TNFAIP2: variants seen among roughly 807,000 people sequenced by gnomAD.
The protein encoded by TNFAIP2 is tumor necrosis factor alpha-induced protein 2.
Under a neutral mutation model 63.5 loss-of-function variants are expected in TNFAIP2, and 47 were observed. That is an observed-to-expected ratio of 0.74 (90% CI 0.59 to 0.94). TNFAIP2 has a LOEUF of 0.94. Ranked by LOEUF, TNFAIP2 falls within the 40% of genes least tolerant of loss-of-function variation. TNFAIP2 has a pLI of 0.00. For synonymous variants in TNFAIP2, 405 were observed against 390.2 expected (o/e 1.04, Z -0.45); for missense variants, 787 against 850.2 (o/e 0.93, Z 0.92).
chr14:103,132,907 G>A (rs1455785925), intron 9 of TNFAIP2, 35 bp downstream of exon 9: 2 of 1,611,490 alleles, frequency 1.2e-6, no homozygotes, highest in East Asian at 2.2e-5. Context: ...TGGGTCTTGG[G>A]GAGTTGGGGG....
At chr14:103,134,394 C>T (rs1328976264) in intron 11 of TNFAIP2, among the ~76,000 whole-genome samples, 3 of 152,186 alleles carry the variant, frequency 2.0e-5, no homozygotes, top group Admixed American at 6.5e-5. Context: ...CTCATCCACC[C>T]ATTCCTTCAC....
At chr14:103,122,669 A>C (rs1891156029), upstream of TNFAIP2, 2 of 455,914 alleles carry the variant, frequency 4.4e-6, no homozygotes, top group Non-Finnish European at 8.8e-6. Flanking sequence ...CTGAATGGGC[A>C]AAGCCGGGTT....
Position 103,131,769 on chromosome 14 carries a change from G to T in TNFAIP2, c.1422+7G>T. ...CCTGCATGAGGACCTGAAGGTAGCG[G>T]GAGCCTCTTGCCCTCAGGAGCCCAG... On this transcript the variant is annotated splice_region_variant and intron_variant, in intron 8 of 11. Coordinates refer to ENST00000560869, the MANE Select transcript of TNFAIP2 (RefSeq NM_006291.4). The surrounding 1 kb of genome is among the most constrained non-coding windows in gnomAD (Gnocchi z 4.0). The T allele has an allele frequency of 6.2e-7, 1 of 1,609,964 alleles. No homozygotes were observed.
intron 5 of TNFAIP2, 79 bp downstream of exon 5, chr14:103,130,203 C>T: frequency 6.4e-7 from 1 of 1,562,276 alleles, no homozygotes. Context: ...GTCCTGTGTG[C>T]ATACCCATGC....
intron 6 of TNFAIP2, among the ~76,000 whole-genome samples, chr14:103,130,681 C>A (rs2087954321): frequency 1.3e-5 from 2 of 152,170 alleles, no homozygotes; most frequent in Admixed American, 6.5e-5. Flanking sequence ...AAAGAGGATA[C>A]CCCAGGAGGG....
In TNFAIP2 at chr14:103,131,193, G is replaced by T. The variant is rs771812624; in HGVS notation, c.1298+43G>T. ...GGCTTGCGGGAGTGGGAGTCACTCA[G>T]CGGGCAGGAGAGGGGAGCTGGAAGG... is the stretch of plus-strand genomic sequence containing the variant. On this transcript the variant is annotated intron_variant, in intron 7 of 11. Coordinates refer to ENST00000560869, the MANE Select transcript of TNFAIP2 (RefSeq NM_006291.4). This position sits in a 1 kb window ranked among gnomAD's most constrained non-coding sequence, Gnocchi z 4.0. The T allele has an allele frequency of 6.2e-7, 1 of 1,603,370 alleles. No individual in the cohort carries two copies. Among genetic ancestry groups the T allele is most frequent in the Admixed American group, 1.7e-5 (1 of 59,992 alleles).
chr14:103,132,704 C>G lies in TNFAIP2; in HGVS notation c.1423-46C>G, dbSNP rs777069624. On this transcript the variant is annotated intron_variant, in intron 8 of 11. Coordinates refer to ENST00000560869, the MANE Select transcript of TNFAIP2 (RefSeq NM_006291.4). ...GTCTGCGTGTCTGCGGCTGGCAGCC[C>G]TTCCTCTCCAGGGCGTGACTAGACA... is the stretch of plus-strand genomic sequence containing the variant. 10 of 1,595,990 alleles carry G rather than the reference C, an allele frequency of 6.3e-6. No individual in the cohort carries two copies. In the Admixed American group the frequency reaches 1.4e-4, roughly 22 times the overall value.
rs1350406786 is a variant in TNFAIP2 at position 103,135,195 on chromosome 14, C to T, written c.1824-24C>T. 6.2e-7 allele frequency: 1 copy of T among 1,613,524 alleles called. No individual in the cohort carries two copies. ...GTAGGGGTGTGGGTGACAGGCTGGG[C>T]TGACAGGATGCTCTCTTTGCCAGCA... On this transcript the variant is annotated intron_variant, in intron 11 of 11. Coordinates refer to ENST00000560869, the MANE Select transcript of TNFAIP2 (RefSeq NM_006291.4). The surrounding 1 kb of genome is among the most constrained non-coding windows in gnomAD (Gnocchi z 7.6).
rs1449223388 is a variant in TNFAIP2, at chr14:103,127,197, C to T, written c.428C>T (p.Pro143Leu). Reference protein sequence around the residue: ...RDQVLGVLRRPLEAPPERLRQ... With the variant: ...RDQVLGVLRRLLEAPPERLRQ... ...CAGGTGCTGGGCGTGCTGCGGCGGC[C>T]GCTGGAGGCGCCGCCCGAGCGGCTG... is the stretch of plus-strand genomic sequence containing the variant. The change falls in exon 3 of 12, where the codon CCG becomes CTG. Residue 143 changes from proline (P) to leucine (L), a missense_variant. This residue lies in a region of TNFAIP2 where 258 missense variants were observed against 228.9 expected (regional missense o/e 1.13). Transcript: ENST00000560869. This position sits in a 1 kb window ranked among gnomAD's most constrained non-coding sequence, Gnocchi z 5.1. 1 of 1,120,838 alleles carries T rather than the reference C, an allele frequency of 8.9e-7. No individual in the cohort carries two copies. The highest frequency in any genetic ancestry group is 1.1e-6 in the Non-Finnish European group (1 of 912,766). 69.4% of individuals were successfully genotyped at this position (1,120,838 alleles called of 1,614,324 possible).
At chr14:103,121,649 GGTGCA>G (rs1891106156), upstream of TNFAIP2, among the ~76,000 whole-genome samples, 1 of 152,222 alleles carries the variant, frequency 6.6e-6, no homozygotes, top group African/African-American at 2.4e-5. Context: ...GGAAGTGACT[GGTGCA>G]GACACAAGTC....
chr14:103,135,554 C>T lies in TNFAIP2; in HGVS notation c.*194C>T, dbSNP rs554975086. 76 of 1,436,644 alleles carry T rather than the reference C, an allele frequency of 5.3e-5. 1 individual carries two copies. The highest frequency in any genetic ancestry group is 2.3e-4 in the Admixed American group (8 of 34,812). The allele number at this position is 1,436,644 out of a possible 1,614,324, so 89.0% of individuals were successfully genotyped here. ...ACAGACCTTGGTTTGTTTACATGTCCGATGGGGGCAGGAGCTCCCATCCTG... is the reference window on the plus strand; with the variant it reads ...ACAGACCTTGGTTTGTTTACATGTCTGATGGGGGCAGGAGCTCCCATCCTG... On this transcript the variant is annotated 3_prime_UTR_variant, in exon 12 of 12. Transcript: ENST00000560869. This position sits in a 1 kb window ranked among gnomAD's most constrained non-coding sequence, Gnocchi z 7.6.
At chr14:103,132,668 T>A in intron 8 of TNFAIP2, 82 bp from the exon 9 acceptor site, 1 of 1,545,988 alleles carries the variant, frequency 6.5e-7, no homozygotes, top group East Asian at 2.4e-5. Flanking sequence ...GGTGTGTGTC[T>A]GTGTCTGCGT....
chr14:103,132,413 G>A (rs2087996202), intron 8 of TNFAIP2, among the ~76,000 whole-genome samples: 1 of 152,310 alleles, frequency 6.6e-6, no homozygotes, highest in South Asian at 2.1e-4. Flanking sequence ...CCCTGGTACT[G>A]ATCTCCCTGG....
At chr14:103,122,074 C>G (rs1374656916), upstream of TNFAIP2, among the ~76,000 whole-genome samples, 1 of 152,148 alleles carries the variant, frequency 6.6e-6, no homozygotes, top group African/African-American at 2.4e-5. Context: ...CCCGGGACAC[C>G]GCGGCTCTGT....
chr14:103,126,148 AGTT>A (rs749270008), intron 1 of TNFAIP2, among the ~76,000 whole-genome samples, 159 bp from the exon 2 acceptor site: 6 of 152,200 alleles, frequency 3.9e-5, no homozygotes, highest in Non-Finnish European at 8.8e-5. Flanking sequence ...GAGGAAGCAC[AGTT>A]GTTGGTGCTC....
At chr14:103,122,210 A>T (rs2139538046), upstream of TNFAIP2, among the ~76,000 whole-genome samples, 1 of 152,342 alleles carries the variant, frequency 6.6e-6, no homozygotes, top group South Asian at 2.1e-4. Flanking sequence ...CCCCAGAGAC[A>T]GGATGATGGA....
rs2087981362 is a variant in TNFAIP2, at chr14:103,131,798, T to TG, written c.1422+42dup. On this transcript the variant is annotated intron_variant, in intron 8 of 11. Coordinates refer to ENST00000560869, the MANE Select transcript of TNFAIP2 (RefSeq NM_006291.4). The surrounding 1 kb of genome is among the most constrained non-coding windows in gnomAD (Gnocchi z 4.0). ...CCTCTTGCCCTCAGGAGCCCAGTGT[T>TG]GGGGGGTTCCCAGGGAGGGACTGGG... 2 of 1,595,290 alleles carry TG rather than the reference T, an allele frequency of 1.3e-6. No individual in the cohort carries two copies.
chr14:103,133,937 C>A, intron 11 of TNFAIP2, 134 bp downstream of exon 11: 1 of 1,170,448 alleles, frequency 8.5e-7, no homozygotes, highest in Non-Finnish European at 1.2e-6. Flanking sequence ...GGGGCTCATT[C>A]TTGTGGCCTT....
rs1264353407 is a variant in TNFAIP2, at chr14:103,130,319, C to A, written c.1103C>A (p.Thr368Asn). 1 of 1,558,258 alleles carries A rather than the reference C, an allele frequency of 6.4e-7. No homozygotes were observed. The highest frequency in any genetic ancestry group is 1.9e-5 in the Admixed American group (1 of 51,802). ...SELAIDIIQI[T>N]SQAQAKAESI... ...TCACCCACCACCACCCTGCAGATCACCTCCCAGGCCCAGGCCAAGGCCGAG... is the reference window on the plus strand; with the variant it reads ...TCACCCACCACCACCCTGCAGATCAACTCCCAGGCCCAGGCCAAGGCCGAG... The change falls in exon 6 of 12, where the codon ACC becomes AAC. Residue 368 changes from threonine (T) to asparagine (N), a missense_variant. Thr to Asn is a moderately conservative substitution (Grantham distance 65). This residue lies in a region of TNFAIP2 where 523 missense variants were observed against 604.1 expected (regional missense o/e 0.87). Transcript: ENST00000560869.
Sources: gnomAD v4.1 joint callset for allele counts (sites outside exome capture counted in the v4.1 genomes callset) on GRCh38, gnomAD v4.1.1 for gene constraint, gnomAD v4.1.1 regional missense constraint, Gnocchi (gnomAD v3.1) non-coding constraint, MANE v1.5 for transcripts, NCBI Gene and HGNC (gene_info 2026-07-23, HGNC 2026-07-21) for gene names.